The following PTCH2 variants were observed in gnomAD, a reference collection of about 807,000 sequenced individuals.
PTCH2 encodes patched 2, also known as protein patched homolog 2.
Under a neutral mutation model 117.9 loss-of-function variants are expected in PTCH2, and 96 were observed. The ratio of observed to expected loss-of-function variants is 0.81; its 90% confidence interval spans 0.69 to 0.96. PTCH2 has a LOEUF of 0.96. Among genes scored for constraint, PTCH2 ranks in the 50% least tolerant of loss-of-function variants. PTCH2 has a pLI of 0.00. For missense variants in PTCH2, 1,379 were observed against 1,562.5 expected (o/e 0.88, Z 1.98); for synonymous variants, 615 against 660.9 (o/e 0.93, Z 1.06).
At position 44,827,089 on chromosome 1, in the gene PTCH2, A is replaced by G. The variant is rs1573644763; in HGVS notation, c.2515-7T>C. 6 of 1,613,978 alleles carry G rather than the reference A, an allele frequency of 3.7e-6. No homozygotes were observed. The highest frequency in any genetic ancestry group is 5.1e-6 in the Non-Finnish European group (6 of 1,179,936). ...CCAGCTTCCTTGTGGTCAGCTGCAG[A>G]GGCAGAGAGGGCTGAAGGCCTGGGC... On this transcript the variant is annotated splice_region_variant and splice_polypyrimidine_tract_variant and intron_variant, in intron 16 of 21. Coordinates refer to ENST00000372192, the MANE Select transcript of PTCH2 (RefSeq NM_003738.5).
intron 2 of PTCH2, 144 bp downstream of exon 2, chr1:44,841,703 G>C (rs1166495027): frequency 1.3e-6 from 1 of 796,722 alleles, no homozygotes; most frequent in African/African-American, 1.7e-5. Context: ...GGTGTTCCTA[G>C]ATGCCCAGGT....
Position 44,828,529 on chromosome 1 carries a change from C to A in PTCH2, c.1567G>T (p.Ala523Ser). Residue 523 changes from alanine to serine, a missense_variant, in exon 12 of 22, where the codon GCG becomes TCG. Coordinates refer to ENST00000372192, the MANE Select transcript of PTCH2 (RefSeq NM_003738.5). ...ACCTGTAGGGAGAAGGCTCGCAGCGCAGGGATGGGAACGAGGGCAGCCATG... is the reference window on the plus strand; with the variant it reads ...ACCTGTAGGGAGAAGGCTCGCAGCGAAGGGATGGGAACGAGGGCAGCCATG... ...FLMAALVPIPALRAFSLQAAI... is the reference protein window; with the variant it reads ...FLMAALVPIPSLRAFSLQAAI... 1 of 1,614,134 alleles carries A rather than the reference C, an allele frequency of 6.2e-7. No homozygotes were observed. Among genetic ancestry groups the A allele is most frequent in the Non-Finnish European group, 8.5e-7 (1 of 1,180,040 alleles).
At position 44,826,609 on chromosome 1, in the gene PTCH2, A is replaced by G; in HGVS notation, c.2855T>C (p.Leu952Pro). 6.2e-7 allele frequency: 1 copy of G among 1,613,274 alleles called. No individual in the cohort carries two copies. Among genetic ancestry groups the G allele is most frequent in the Non-Finnish European group, 8.5e-7 (1 of 1,179,992 alleles). Reference protein sequence around the residue: ...VHAYPSGSPFLFWEQYLGLRR... With the variant: ...VHAYPSGSPFPFWEQYLGLRR... Reference sequence around the variant, plus strand: ...CAGGCCCAGATACTGTTCCCAGAAGAGGAAGGGGGAGCCGCTGGGGTAGGC... The same window carrying G: ...CAGGCCCAGATACTGTTCCCAGAAGGGGAAGGGGGAGCCGCTGGGGTAGGC... Residue 952 changes from leucine (L) to proline (P), a missense_variant, in exon 18 of 22, where the codon CTC becomes CCC. By Grantham distance (98) the Leu-to-Pro change is moderately conservative. Coordinates refer to ENST00000372192, the MANE Select transcript of PTCH2 (RefSeq NM_003738.5). This position sits in a 1 kb window ranked among gnomAD's most constrained non-coding sequence, Gnocchi z 5.1.
At chr1:44,842,219 C>A (rs546830330) in intron 1 of PTCH2, among the ~76,000 whole-genome samples, 180 bp from the exon 2 acceptor site, 147 of 152,210 alleles carry the variant, frequency 9.7e-4, no homozygotes, top group Non-Finnish European at 1.8e-3. Flanking sequence ...ATCCCCAGCA[C>A]ACACCTGAGG....
In PTCH2 at chr1:44,827,437, C is replaced by G. The variant is rs45493198; in HGVS notation, c.2336G>C (p.Arg779Pro). 1.9e-6 allele frequency: 3 copies of G among 1,613,132 alleles called. No homozygotes were observed. The highest frequency in any genetic ancestry group is 2.5e-6 in the Non-Finnish European group (3 of 1,179,152). The change falls in exon 15 of 22, where the codon CGC becomes CCC. Residue 779 changes from arginine (R) to proline (P), a missense_variant. Arg to Pro is a moderately radical substitution (Grantham distance 103). Transcript: ENST00000372192. Reference protein sequence around the residue: ...VLPPPATQAPRTWLHYYRNWL... With the variant: ...VLPPPATQAPPTWLHYYRNWL... ...GTTGCGGTAATAGTGCAGCCAGGTG[C>G]GGGGTGCCTGGGTGGCCGGTGGGGG...
At position 44,826,760 on chromosome 1, in the gene PTCH2, C is replaced by T; in HGVS notation, c.2704G>A (p.Ala902Thr). The T allele has an allele frequency of 6.3e-7, 1 of 1,595,892 alleles. No homozygotes were observed. Among genetic ancestry groups the T allele is most frequent in the Non-Finnish European group, 8.6e-7 (1 of 1,169,196 alleles). Reference sequence around the variant, plus strand: ...AACTGGGCAAACTCCAAGGGCTGAGCTGGCGGGACTGTGGAGGGGAGGGGA... The same window carrying T: ...AACTGGGCAAACTCCAAGGGCTGAGTTGGCGGGACTGTGGAGGGGAGGGGA... ...TTGENLRIPP[A>T]QPLEFAQFPF... is the part of the protein sequence containing the mutation. Residue 902 changes from alanine (A) to threonine (T), a missense_variant, in exon 18 of 22, where the codon GCT (alanine) becomes ACT (threonine). Coordinates refer to ENST00000372192, the MANE Select transcript of PTCH2 (RefSeq NM_003738.5). The surrounding 1 kb of genome is among the most constrained non-coding windows in gnomAD (Gnocchi z 5.1).
chr1:44,841,095 G>C (rs545577616), intron 2 of PTCH2, among the ~76,000 whole-genome samples: 1 of 151,700 alleles, frequency 6.6e-6, no homozygotes, highest in East Asian at 1.9e-4. Context: ...ACTTGAACCC[G>C]GGAAGTGAGG....
At chr1:44,841,045 C>T (rs1246872893) in intron 2 of PTCH2, among the ~76,000 whole-genome samples, 1 of 151,202 alleles carries the variant, frequency 6.6e-6, no homozygotes. Context: ...TTGGTGGGCA[C>T]CTGTGATCCC....
rs1653459416 is a variant in PTCH2, at chr1:44,831,816, G to A, written c.526-19C>T. ...CAATCATCTGCCAGGGATACCCCGG[G>A]CCACGTCAGTCCTGCCCCACAACCT... On this transcript the variant is annotated intron_variant, in intron 4 of 21. Coordinates refer to ENST00000372192, the MANE Select transcript of PTCH2 (RefSeq NM_003738.5). This position sits in a 1 kb window ranked among gnomAD's most constrained non-coding sequence, Gnocchi z 4.3. 6.2e-7 allele frequency: 1 copy of A among 1,610,666 alleles called. No homozygotes were observed. The highest frequency in any genetic ancestry group is 1.3e-5 in the African/African-American group (1 of 74,762).
intron 2 of PTCH2, among the ~76,000 whole-genome samples, chr1:44,839,377 A>AAAAC (rs1286641645): frequency 2.0e-5 from 3 of 150,398 alleles, no homozygotes; most frequent in African/African-American, 7.3e-5. Context: ...AAAAAAAAAA[A>AAAAC]AAAAAACAGA....
Position 44,830,833 on chromosome 1 carries a change from C to T in PTCH2, c.813+15G>A, listed in dbSNP as rs1557646907. ...GGAAAACAGCCTTTCCCTGGCAGAC[C>T]TGGTTGGAACCCACCTGCCTGCTGT... On this transcript the variant is annotated intron_variant, in intron 6 of 21. Coordinates refer to ENST00000372192, the MANE Select transcript of PTCH2 (RefSeq NM_003738.5). The T allele has an allele frequency of 6.6e-7, 1 of 1,526,016 alleles. No individual in the cohort carries two copies. Among genetic ancestry groups the T allele is most frequent in the Non-Finnish European group, 8.8e-7 (1 of 1,130,560 alleles). 94.5% of individuals were successfully genotyped at this position (1,526,016 alleles called of 1,614,324 possible). A position where few individuals can be genotyped will look rare whatever the true frequency, so the allele number is the denominator to read the frequency against.
chr1:44,842,627 G>A (rs1390594008), intron 1 of PTCH2, among the ~76,000 whole-genome samples: 1 of 152,166 alleles, frequency 6.6e-6, no homozygotes, highest in Non-Finnish European at 1.5e-5. Flanking sequence ...CACACCTGTC[G>A]TCGGGTGGAC....
chr1:44,828,606 C>G lies in PTCH2; in HGVS notation c.1490G>C (p.Arg497Pro). The stretch of plus-strand genomic sequence containing the variant: ...TGTGAGTACGACACTGGTGCCCGTG[C>G]GCTGCAGACACTCGCCCATGCGCTC... ...LQERMGECLQ[R>P]TGTSVVLTSI... Residue 497 changes from arginine to proline, a missense_variant, in exon 12 of 22, where the codon CGC becomes CCC. Coordinates refer to ENST00000372192, the MANE Select transcript of PTCH2 (RefSeq NM_003738.5). 6.2e-7 allele frequency: 1 copy of G among 1,613,394 alleles called. No homozygotes were observed. The highest frequency in any genetic ancestry group is 1.1e-5 in the South Asian group (1 of 90,980).
At chr1:44,840,459 C>T (rs545084894) in intron 2 of PTCH2, among the ~76,000 whole-genome samples, 1 of 148,684 alleles carries the variant, frequency 6.7e-6, no homozygotes, top group East Asian at 2.1e-4. Flanking sequence ...ACCTGTAATC[C>T]CAGCACTTTG....
rs1193629202 is a variant in PTCH2, at chr1:44,831,745, C to T, written c.578G>A (p.Trp193Ter). 1 of 1,577,252 alleles carries T rather than the reference C, an allele frequency of 6.3e-7. No individual in the cohort carries two copies. Among genetic ancestry groups the T allele is most frequent in the South Asian group, 1.2e-5 (1 of 86,876 alleles). Reference sequence around the variant, plus strand: ...GCCCCCTTGGAGTTTGGCTCCCTCCCAGAAGCAGTCGAGGGGGGTGAGGAT... The same window carrying T: ...GCCCCCTTGGAGTTTGGCTCCCTCCTAGAAGCAGTCGAGGGGGGTGAGGAT... ...CVILTPLDCF[W>*]EGAKLQGGSA... Residue 193 changes from tryptophan to a stop codon, truncating the protein, a stop_gained, in exon 5 of 22, where the codon TGG becomes TAG. Transcript: ENST00000372192. LOFTEE classifies it high-confidence loss of function. The surrounding 1 kb of genome is among the most constrained non-coding windows in gnomAD (Gnocchi z 4.3).
intron 11 of PTCH2, 95 bp downstream of exon 11, chr1:44,828,887 C>T (rs959247495): frequency 2.3e-5 from 31 of 1,374,140 alleles, no homozygotes; most frequent in Middle Eastern, 3.6e-4. Context: ...CAAGAGGCAC[C>T]GAGGTTCATT....
At chr1:44,839,714 T>C (rs996939890) in intron 2 of PTCH2, among the ~76,000 whole-genome samples, 12 of 152,110 alleles carry the variant, frequency 7.9e-5, no homozygotes, top group Admixed American at 2.0e-4. Context: ...TGGGGATATG[T>C]GTATGTGCGT....
At chr1:44,822,806 G>A in intron 21 of PTCH2, 137 bp from the exon 22 acceptor site, 1 of 995,936 alleles carries the variant, frequency 1.0e-6, no homozygotes, top group Non-Finnish European at 1.5e-6. Flanking sequence ...AGAGCTGGCA[G>A]GCGACAGGAT....
At chr1:44,834,164 G>C (rs1457383648) in intron 2 of PTCH2, among the ~76,000 whole-genome samples, 1 of 147,016 alleles carries the variant, frequency 6.8e-6, no homozygotes, top group Admixed American at 6.8e-5. Context: ...TTATTGCCCA[G>C]GCTGGAGTGC....
Sources: gnomAD v4.1 joint callset for allele counts (sites outside exome capture counted in the v4.1 genomes callset) on GRCh38, gnomAD v4.1.1 for gene constraint, Gnocchi (gnomAD v3.1) non-coding constraint, MANE v1.5 for transcripts, NCBI Gene and HGNC (gene_info 2026-07-23, HGNC 2026-07-21) for gene names.